ITPR1: variants seen among roughly 807,000 people sequenced by gnomAD.
ITPR1 encodes the protein inositol 1,4,5-trisphosphate-gated calcium channel ITPR1.
Under a neutral mutation model 318.4 loss-of-function variants are expected in ITPR1, and 96 were observed. That is an observed-to-expected ratio of 0.30 (90% CI 0.26 to 0.36). The LOEUF is 0.36. ITPR1 is among the 10% of genes least tolerant of loss of function. ITPR1 has a pLI of 1.00. For missense variants in ITPR1, 2,440 were observed against 3,460.2 expected, an observed-to-expected ratio of 0.71 and a Z score of 7.40; for synonymous variants, 1,312 against 1,289.9, an observed-to-expected ratio of 1.02 and a Z score of -0.37.
intron 54 of ITPR1, among the ~76,000 whole-genome samples, 162 bp downstream of exon 54, chr3:4,800,762 T>C (rs1458592783): frequency 1.3e-5 from 2 of 152,174 alleles, no homozygotes; most frequent in African/African-American, 2.4e-5. Flanking sequence ...CAGGTGGACG[T>C]CTCCCTCTTG....
intron 10 of ITPR1, among the ~76,000 whole-genome samples, chr3:4,646,617 A>T (rs896405543): frequency 2.0e-5 from 3 of 152,190 alleles, no homozygotes; most frequent in Non-Finnish European, 4.4e-5. Context: ...GAGGAAGGGA[A>T]TAACATAATC....
At chr3:4,805,962 G>A in intron 54 of ITPR1, 141 bp from the exon 55 acceptor site, 1 of 652,894 alleles carries the variant, frequency 1.5e-6, no homozygotes, top group Non-Finnish European at 2.6e-6. Context: ...GGTCTTGGCG[G>A]GTTTGGTGGG....
chr3:4,647,472 G>A (rs2093485384), intron 10 of ITPR1, among the ~76,000 whole-genome samples: 1 of 152,178 alleles, frequency 6.6e-6, no homozygotes, highest in Admixed American at 6.5e-5. Context: ...GGTATGGCAT[G>A]GTATGGTATG....
At chr3:4,791,698 G>C (rs974375474) in intron 52 of ITPR1, among the ~76,000 whole-genome samples, 1 of 152,144 alleles carries the variant, frequency 6.6e-6, no homozygotes, top group Non-Finnish European at 1.5e-5. Flanking sequence ...AGACAACAAC[G>C]GCATATTTTT....
intron 46 of ITPR1, among the ~76,000 whole-genome samples, chr3:4,772,103 G>T (rs184076736): frequency 3.9e-5 from 6 of 152,350 alleles, no homozygotes; most frequent in South Asian, 2.1e-4. Context: ...AAATTATGGT[G>T]TGTAGAAATC....
chr3:4,689,237 C>A (rs1318919902), intron 31 of ITPR1, among the ~76,000 whole-genome samples: 1 of 152,156 alleles, frequency 6.6e-6, no homozygotes, highest in Non-Finnish European at 1.5e-5. Context: ...AAAACATTCT[C>A]ATATTAATGG....
Position 4,536,208 on chromosome 3 carries a change from G to C in ITPR1, c.163+15114G>C, listed in dbSNP as rs77328136. Reference sequence around the variant, plus strand: ...ATCACTGATTGGAAACATTGCTCTGGGTTTTCTTGAACTTCTATTGTTGTA... The same window carrying C: ...ATCACTGATTGGAAACATTGCTCTGCGTTTTCTTGAACTTCTATTGTTGTA... On this transcript the variant is annotated intron_variant, in intron 4 of 61. Transcript: ENST00000649015. Among the ~76,000 whole-genome samples, 430 of 152,004 alleles carry C rather than the reference G, an allele frequency of 2.8e-3. 5 individuals are homozygous for C. The highest frequency in any genetic ancestry group is 9.9e-3 in the African/African-American group (412 of 41,454).
chr3:4,543,284 AG>A (rs972631961), intron 4 of ITPR1, among the ~76,000 whole-genome samples: 6 of 152,018 alleles, frequency 3.9e-5, no homozygotes, highest in African/African-American at 1.4e-4. Context: ...GAGAAAAAAA[AG>A]AAAAAAGCAA....
intron 26 of ITPR1, among the ~76,000 whole-genome samples, chr3:4,682,665 A>G (rs1253823853): frequency 1.3e-5 from 2 of 152,174 alleles, no homozygotes; most frequent in Admixed American, 6.5e-5. Flanking sequence ...CTCTCCCGCC[A>G]TTTTCCTCAT....
In ITPR1 at chr3:4,721,172, G is replaced by GTGTA. The variant is rs1356149562; in HGVS notation, c.5136+3774_5136+3775insGTAT. On this transcript the variant is annotated intron_variant, in intron 40 of 61. Transcript: ENST00000649015. ...TGTGTGTAGATACGTGTGTGTGCGT[G>GTGTA]TATATATATATATATATATATATAT... Among the ~76,000 whole-genome samples, 187 of 125,074 alleles carry GTGTA rather than the reference G, an allele frequency of 1.5e-3. 2 individuals are homozygous for GTGTA. The highest frequency in any genetic ancestry group is 5.7e-3 in the African/African-American group (156 of 27,574). The allele number at this position is 125,074 out of a possible 152,430, so 82.1% of individuals were successfully genotyped here.
chr3:4,771,879 C>A (rs904440451), intron 46 of ITPR1, among the ~76,000 whole-genome samples: 2 of 152,112 alleles, frequency 1.3e-5, no homozygotes, highest in Non-Finnish European at 2.9e-5. Context: ...CAGAGGAGAG[C>A]AAAGCTGCTC....
chr3:4,525,105 G>C (rs11710521), intron 4 of ITPR1, among the ~76,000 whole-genome samples: 16,778 of 151,630 alleles, frequency 0.11, 970 homozygotes, highest in African/African-American at 0.15. Context: ...TCTTCAAATT[G>C]TTTGTGGGTG....
Position 4,846,658 on chromosome 3 carries a change from G to A in ITPR1, c.*433G>A, listed in dbSNP as rs1296887253. The A allele has an allele frequency of 6.5e-6, 1 of 153,522 alleles. No individual in the cohort carries two copies. Among genetic ancestry groups the A allele is most frequent in the Non-Finnish European group, 1.5e-5 (1 of 68,652 alleles). 9.5% of individuals were successfully genotyped at this position (153,522 alleles called of 1,614,324 possible). On this transcript the variant is annotated 3_prime_UTR_variant, in exon 62 of 62. Coordinates refer to ENST00000649015, the MANE Select transcript of ITPR1 (RefSeq NM_001378452.1). The stretch of plus-strand genomic sequence containing the variant: ...AAAGGGAGTGCACTTCTTTGAAGCT[G>A]GTGTGTTAATACTATGTAATAAATG...
intron 60 of ITPR1, among the ~76,000 whole-genome samples, chr3:4,835,565 A>AGT (rs57292347): frequency 0.11 from 16,527 of 151,368 alleles, 921 homozygotes; most frequent in South Asian, 0.11. Flanking sequence ...ATTCCGAGTG[A>AGT]GTGTGTGTGT....
chr3:4,790,814 C>G (rs577218536), intron 52 of ITPR1, among the ~76,000 whole-genome samples: 1 of 152,326 alleles, frequency 6.6e-6, no homozygotes, highest in Non-Finnish European at 1.5e-5. Flanking sequence ...TGCAATTGCT[C>G]TGAGCTTCAT....
chr3:4,627,013 G>T (rs1334029217), intron 4 of ITPR1, among the ~76,000 whole-genome samples: 3 of 152,096 alleles, frequency 2.0e-5, no homozygotes, highest in African/African-American at 7.2e-5. Flanking sequence ...TAGAGACGGG[G>T]TTTCACCTTG....
chr3:4,528,542 C>T (rs898720893), intron 4 of ITPR1, among the ~76,000 whole-genome samples: 2 of 152,100 alleles, frequency 1.3e-5, no homozygotes, highest in Admixed American at 6.6e-5. Context: ...GGCAAGGCAT[C>T]GAAGGAATGA....
At chr3:4,720,258 G>T (rs1290480540) in intron 40 of ITPR1, among the ~76,000 whole-genome samples, 1 of 152,206 alleles carries the variant, frequency 6.6e-6, no homozygotes. Flanking sequence ...ATTCATGCAA[G>T]ATGACAGCTC....
chr3:4,627,868 A>G lies in ITPR1; in HGVS notation c.269A>G (p.Asn90Ser). 1 of 1,608,582 alleles carries G rather than the reference A, an allele frequency of 6.2e-7. No individual in the cohort carries two copies. Among genetic ancestry groups the G allele is most frequent in the Non-Finnish European group, 8.5e-7 (1 of 1,175,864 alleles). The change falls in exon 5 of 62, where the codon AAC becomes AGC. Residue 90 changes from asparagine (N) to serine (S), a missense_variant. This residue lies in a region of ITPR1 where 186 missense variants were observed against 323.9 expected (regional missense o/e 0.57). Coordinates refer to ENST00000649015, the MANE Select transcript of ITPR1 (RefSeq NM_001378452.1). ...ANSTTDAVLL[N>S]KLHHAADLEK... is the part of the protein sequence containing the mutation. ...AGCACCACAGACGCAGTGCTACTCA[A>G]CAAACTGCACGTACGTATTGCCATG... is the stretch of plus-strand genomic sequence containing the variant.
Sources: allele counts gnomAD v4.1 joint callset (sites outside exome capture counted in the v4.1 genomes callset), GRCh38; gene constraint gnomAD v4.1.1; regional missense constraint gnomAD v4.1.1; transcripts MANE v1.5; gene names NCBI Gene and HGNC (gene_info 2026-07-23, HGNC 2026-07-21).